Variants in STK3 observed in about 807,000 individuals in gnomAD.
The protein encoded by STK3 is serine/threonine kinase 3, also known as serine/threonine-protein kinase 3.
Under a neutral mutation model 58.0 loss-of-function variants are expected in STK3, and 41 were observed. That is an observed-to-expected ratio of 0.71 (90% confidence interval 0.55 to 0.92). The LOEUF is 0.92. STK3 is among the 40% of genes least tolerant of loss of function. The pLI is 0.00. For missense variants in STK3, 479 were observed against 602.7 expected (o/e 0.79, Z 2.15); for synonymous variants, 170 against 191.0 (o/e 0.89, Z 0.91).
intron 2 of STK3, among the ~76,000 whole-genome samples, chr8:98,770,195 C>T (rs1453629529): frequency 6.6e-6 from 1 of 152,128 alleles, no homozygotes; most frequent in African/African-American, 2.4e-5. Flanking sequence ...TATCTACCTC[C>T]TGAGGCAGTC....
intron 3 of STK3, among the ~76,000 whole-genome samples, chr8:98,858,315 TATATATATAG>T (rs1292439463): frequency 2.5e-3 from 141 of 57,246 alleles, no homozygotes; most frequent in African/African-American, 8.6e-3. Context: ...TATATATATA[TATATATATAG>T]AGAGAGAGAG....
chr8:98,759,043 A>T lies in STK3; in HGVS notation c.236+8200T>A, dbSNP rs574662359. Among the ~76,000 whole-genome samples, 4 of 152,332 alleles carry T rather than the reference A, an allele frequency of 2.6e-5. No individual in the cohort carries two copies. In the South Asian group the frequency reaches 6.2e-4, roughly 24 times the overall value. On this transcript the variant is annotated intron_variant, in intron 3 of 10. Coordinates refer to ENST00000419617, the MANE Select transcript of STK3 (RefSeq NM_006281.4). ...CACTCAAACTGTCTCCATATCAGCA[A>T]TGAGGCTCTTCCACTTTCTTACCAC...
At chr8:98,592,776 TA>T (rs1354915406) in intron 7 of STK3, among the ~76,000 whole-genome samples, 24 of 150,218 alleles carry the variant, frequency 1.6e-4, no homozygotes, top group Middle Eastern at 3.4e-3. Context: ...TTTATTTATT[TA>T]TTTTGAGACA....
At chr8:98,792,902 G>GTGTGTA (rs1436998148) in intron 1 of STK3, among the ~76,000 whole-genome samples, 1 of 151,240 alleles carries the variant, frequency 6.6e-6, no homozygotes, top group African/African-American at 2.4e-5. Context: ...CTGTATGTGT[G>GTGTGTA]TGTGTGTGTG....
chr8:98,375,012 G>T (rs1817657807), intron 2 of STK3, among the ~76,000 whole-genome samples: 1 of 152,072 alleles, frequency 6.6e-6, no homozygotes, highest in Non-Finnish European at 1.5e-5. Context: ...GGCCAAGGTG[G>T]GAGGATCACT....
intron 6 of STK3, among the ~76,000 whole-genome samples, chr8:98,697,632 G>C (rs1719742166): frequency 6.6e-6 from 1 of 152,172 alleles, no homozygotes; most frequent in South Asian, 2.1e-4. Context: ...AGTCATTCAG[G>C]AGCAGGTTGT....
intron 6 of STK3, among the ~76,000 whole-genome samples, chr8:98,647,074 T>G (rs1820456201): frequency 6.6e-6 from 1 of 152,190 alleles, no homozygotes; most frequent in African/African-American, 2.4e-5. Flanking sequence ...CTTCCTGTCT[T>G]TCTCTGACAT....
At chr8:98,849,704 G>A (rs1836366913) in intron 3 of STK3, among the ~76,000 whole-genome samples, 1 of 151,984 alleles carries the variant, frequency 6.6e-6, no homozygotes, top group South Asian at 2.1e-4. Flanking sequence ...GCTCTTAGAA[G>A]CTCATAATTT....
At chr8:98,853,936 A>G (rs1378681945) in intron 3 of STK3, among the ~76,000 whole-genome samples, 1 of 152,184 alleles carries the variant, frequency 6.6e-6, no homozygotes. Context: ...CCAATTTTTC[A>G]CAAACTCTTC....
chr8:98,515,795 T>G (rs1209634389), intron 10 of STK3, among the ~76,000 whole-genome samples: 1 of 151,938 alleles, frequency 6.6e-6, no homozygotes, highest in East Asian at 1.9e-4. Context: ...TTTTTTAAAA[T>G]TTTATTATTA....
chr8:98,474,157 T>C (rs1821132980), intron 10 of STK3, among the ~76,000 whole-genome samples: 1 of 152,302 alleles, frequency 6.6e-6, no homozygotes, highest in Admixed American at 6.5e-5. Flanking sequence ...ATATGTCAAA[T>C]CGATGTCCTC....
intron 9 of STK3, among the ~76,000 whole-genome samples, chr8:98,536,288 C>G (rs974013522): frequency 6.6e-6 from 1 of 151,998 alleles, no homozygotes; most frequent in Non-Finnish European, 1.5e-5. Context: ...GCTAATGACA[C>G]ATAAAAATAA....
At chr8:98,385,162 G>T (rs190829944) in intron 1 of STK3, among the ~76,000 whole-genome samples, 10 of 152,150 alleles carry the variant, frequency 6.6e-5, no homozygotes, top group Admixed American at 1.3e-4. Flanking sequence ...GGTTTGATGG[G>T]TCCCCGAGAA....
At chr8:98,358,611 A>G in the STK3 span, among the ~76,000 whole-genome samples, 2 of 152,130 alleles carry the variant, frequency 1.3e-5, no homozygotes, top group South Asian at 2.1e-4. Context: ...GCCACCTTCC[A>G]GGGACCCAGG....
At chr8:98,354,889 T>C in the STK3 span, among the ~76,000 whole-genome samples, 2 of 152,228 alleles carry the variant, frequency 1.3e-5, no homozygotes, top group East Asian at 3.8e-4. Flanking sequence ...GCGATTCTCC[T>C]GCCTCAGCCT....
At chr8:98,824,685 C>T (rs2131751329) in intron 1 of STK3, among the ~76,000 whole-genome samples, 1 of 152,282 alleles carries the variant, frequency 6.6e-6, no homozygotes, top group Non-Finnish European at 1.5e-5. Context: ...CAATAGCTCC[C>T]AAAGTTCCTA....
intron 6 of STK3, among the ~76,000 whole-genome samples, chr8:98,655,724 C>T (rs568507636): frequency 1.3e-5 from 2 of 152,060 alleles, no homozygotes; most frequent in South Asian, 2.1e-4. Flanking sequence ...AGCCAAAAAA[C>T]ACATGAAAAA....
intron 4 of STK3, among the ~76,000 whole-genome samples, chr8:98,743,134 T>C (rs1016132006): frequency 1.3e-5 from 2 of 151,516 alleles, no homozygotes; most frequent in Non-Finnish European, 2.9e-5. Context: ...AGAATCAATA[T>C]CGTGAAAATG....
chr8:98,466,978 A>G (rs1183640759), intron 10 of STK3, among the ~76,000 whole-genome samples: 1 of 152,064 alleles, frequency 6.6e-6, no homozygotes, highest in Non-Finnish European at 1.5e-5. Context: ...GGCTCTACCT[A>G]CAGAAGTCTC....
Sources: allele counts gnomAD v4.1 joint callset (sites outside exome capture counted in the v4.1 genomes callset), GRCh38; gene constraint gnomAD v4.1.1; transcripts MANE v1.5; gene names NCBI Gene and HGNC (gene_info 2026-07-23, HGNC 2026-07-21).